The following PI4KA variants were observed in gnomAD, a reference collection of about 807,000 sequenced individuals.
PI4KA encodes phosphatidylinositol 4-kinase alpha.
PI4KA carries 122 observed loss-of-function variants against 271.4 expected under a neutral mutation model. The observed-to-expected ratio is 0.45, with a 90% CI of 0.39 to 0.52. The LOEUF is 0.52. Among genes scored for constraint, PI4KA ranks in the 20% least tolerant of loss-of-function variants. The pLI, the probability that PI4KA is intolerant of heterozygous loss-of-function variation, is 0.00. For missense variants in PI4KA, 1,969 were observed against 2,769.1 expected, an observed-to-expected ratio of 0.71 and a Z score of 6.48; for synonymous variants, 1,041 against 1,078.8, an observed-to-expected ratio of 0.96 and a Z score of 0.69.
At chr22:20,851,364 C>T (rs1024707012) in intron 1 of PI4KA, among the ~76,000 whole-genome samples, 3 of 151,922 alleles carry the variant, frequency 2.0e-5, no homozygotes, top group Non-Finnish European at 2.9e-5. Context: ...TTTTGTGTGA[C>T]GGAGTCTTGC....
intron 1 of PI4KA, among the ~76,000 whole-genome samples, chr22:20,852,941 TA>T (rs932342908): frequency 1.8e-4 from 28 of 152,344 alleles, no homozygotes; most frequent in Non-Finnish European, 3.8e-4. Flanking sequence ...CAGTGCCATT[TA>T]AACATCAGAT....
At chr22:20,790,699 A>AC (rs1934576040) in intron 19 of PI4KA, among the ~76,000 whole-genome samples, 1 of 139,310 alleles carries the variant, frequency 7.2e-6, no homozygotes, top group Admixed American at 7.3e-5. Flanking sequence ...AAAAAAAACA[A>AC]ACACACACAC....
chr22:20,814,939 C>T (rs546559983), intron 7 of PI4KA, among the ~76,000 whole-genome samples: 277 of 149,404 alleles, frequency 1.9e-3, no homozygotes, highest in African/African-American at 6.8e-3. Context: ...GGAAGATCGC[C>T]TCATCCCAGG....
intron 23 of PI4KA, among the ~76,000 whole-genome samples, chr22:20,759,777 G>C (rs1030865125): frequency 2.0e-5 from 3 of 152,188 alleles, no homozygotes; most frequent in Non-Finnish European, 2.9e-5. Context: ...GTGTTAGCCA[G>C]GACGGTCTTG....
chr22:20,729,812 T>C (rs1927799211), intron 37 of PI4KA, 80 bp downstream of exon 37: 19 of 1,596,478 alleles, frequency 1.2e-5, no homozygotes, highest in Non-Finnish European at 1.5e-5. Context: ...TTCTGCTGTC[T>C]GAGCAAGTGT....
intron 19 of PI4KA, among the ~76,000 whole-genome samples, chr22:20,774,544 C>T (rs1355910231): frequency 1.3e-5 from 2 of 152,036 alleles, no homozygotes; most frequent in African/African-American, 2.4e-5. Context: ...GGGTGGATCA[C>T]GAGGTCAGGA....
At chr22:20,842,611 G>A (rs165702) in intron 1 of PI4KA, among the ~76,000 whole-genome samples, 73,882 of 151,532 alleles carry the variant, frequency 0.49, 18,508 homozygotes, top group African/African-American at 0.59. Flanking sequence ...CCAGGAGTTC[G>A]AGACTATCCT....
intron 36 of PI4KA, 82 bp from the exon 37 acceptor site, chr22:20,730,093 G>T: frequency 2.6e-6 from 4 of 1,510,314 alleles, no homozygotes; most frequent in Non-Finnish European, 3.6e-6. Flanking sequence ...ATTCACCAGA[G>T]ATAAAGCAAT....
At chr22:20,742,989 CCACCA>C (rs1929645158) in intron 30 of PI4KA, 2 of 549,892 alleles carry the variant, frequency 3.6e-6, no homozygotes, top group Non-Finnish European at 6.5e-6. Context: ...GTTGGCAGTG[CCACCA>C]CTGCAGATGT....
rs910672496 is a variant in PI4KA, at chr22:20,802,653, A to C, written c.1591+538T>G. 5.3e-5 allele frequency among the ~76,000 whole-genome samples: 8 copies of C among 152,288 alleles called. No homozygotes were observed. In the South Asian group the frequency reaches 1.7e-3, roughly 32 times the overall value. On this transcript the variant is annotated intron_variant, in intron 13 of 54. Coordinates refer to ENST00000255882, the MANE Select transcript of PI4KA (RefSeq NM_058004.4). ...TGGGCTCAAGCCATCCTACAACTTC[A>C]GCCTCCTGAGTAGCTAGGACTACAG... is the stretch of plus-strand genomic sequence containing the variant.
chr22:20,817,904 C>G (rs1922058203), intron 7 of PI4KA, among the ~76,000 whole-genome samples: 2 of 151,526 alleles, frequency 1.3e-5, no homozygotes, highest in South Asian at 4.2e-4. Context: ...ATGGGTGGAT[C>G]ACTTGAGGTC....
intron 19 of PI4KA, among the ~76,000 whole-genome samples, chr22:20,775,790 T>G (rs547057555): frequency 3.3e-5 from 5 of 152,280 alleles, no homozygotes; most frequent in South Asian, 4.1e-4. Context: ...ATGCCTGGTC[T>G]TCTTCTTCTT....
In PI4KA at chr22:20,733,059, C is replaced by A. The variant is rs1395291659; in HGVS notation, c.4200G>T (p.Leu1400=). The change falls in exon 36 of 55, where the codon CTG becomes CTT. Residue 1400 remains leucine (L), a synonymous_variant. Transcript: ENST00000255882. ...TAATCATGATGCTTATGTCTTCACG[C>A]AGCCGCTTCTCTCCTTGAGTAGGGA... ...PKFPTQGEKR[L]REDISIMIKF... 2.5e-6 allele frequency: 4 copies of A among 1,611,822 alleles called. No individual in the cohort carries two copies. The highest frequency in any genetic ancestry group is 3.4e-6 in the Non-Finnish European group (4 of 1,179,794).
intron 7 of PI4KA, among the ~76,000 whole-genome samples, chr22:20,815,407 AAAAC>A (rs1055496123): frequency 3.8e-4 from 58 of 151,734 alleles, no homozygotes; most frequent in East Asian, 7.7e-4. Flanking sequence ...AAAACAAATC[AAAAC>A]AAACAAACAA....
intron 19 of PI4KA, among the ~76,000 whole-genome samples, chr22:20,778,874 C>T (rs980521013): frequency 1.3e-5 from 2 of 152,144 alleles, no homozygotes; most frequent in African/African-American, 2.4e-5. Context: ...TGAGAGCCTT[C>T]GCTTTACTGC....
At position 20,838,644 on chromosome 22, in the gene PI4KA, C is replaced by T; in HGVS notation, c.244G>A (p.Gly82Ser). 1 of 1,609,126 alleles carries T rather than the reference C, an allele frequency of 6.2e-7. No homozygotes were observed. The highest frequency in any genetic ancestry group is 1.1e-5 in the South Asian group (1 of 90,954). ...AGATCAGATTCAATCAGAAAAATGC[C>T]CAATGCAATCACTGCATCTCTCCGT... ...ERRRDAVIALGIFLIESDLQH... is the reference protein window; with the variant it reads ...ERRRDAVIALSIFLIESDLQH... The change falls in exon 2 of 55, where the codon GGC becomes AGC. Residue 82 changes from glycine (G) to serine (S), a missense_variant. Physicochemically the swap from Gly to Ser is moderately conservative, Grantham distance 56 (BLOSUM62 0). Around this residue, in one of 13 missense-constraint regions of PI4KA, gnomAD observed 540 missense variants for 555.5 expected, o/e 0.97. Transcript: ENST00000255882.
intron 26 of PI4KA, 107 bp from the exon 27 acceptor site, chr22:20,751,483 C>G (rs936978428): frequency 3.7e-6 from 4 of 1,067,606 alleles, no homozygotes; most frequent in Admixed American, 4.0e-5. Flanking sequence ...GACAGGCCTC[C>G]ATACTTGATG....
chr22:20,814,635 C>G (rs1185872526), intron 7 of PI4KA, among the ~76,000 whole-genome samples: 2 of 151,608 alleles, frequency 1.3e-5, no homozygotes, highest in Non-Finnish European at 2.9e-5. Context: ...ATAGTCCCAG[C>G]TACTCAGGAA....
intron 10 of PI4KA, among the ~76,000 whole-genome samples, chr22:20,805,404 C>T (rs1935593692): frequency 2.0e-5 from 3 of 152,190 alleles, no homozygotes; most frequent in South Asian, 2.1e-4. Context: ...AGGGATGTTA[C>T]AGCCATGCTT....
Sources: gnomAD v4.1 joint callset for allele counts (sites outside exome capture counted in the v4.1 genomes callset) on GRCh38, gnomAD v4.1.1 for gene constraint, gnomAD v4.1.1 regional missense constraint, MANE v1.5 for transcripts, NCBI Gene and HGNC (gene_info 2026-07-23, HGNC 2026-07-21) for gene names.